Variants in NRG3 observed in about 807,000 individuals in gnomAD.
NRG3 encodes pro-neuregulin-3, membrane-bound isoform.
Under a neutral mutation model 66.9 loss-of-function variants are expected in NRG3, and 31 were observed. The ratio of observed to expected loss-of-function variants is 0.46; its 90% confidence interval spans 0.35 to 0.63. The LOEUF is 0.63. Ranked by LOEUF, NRG3 falls within the 20% of genes least tolerant of loss-of-function variation. The probability of loss-of-function intolerance (pLI) is 0.00; values close to 1 mark genes in which losing one functional copy is unlikely to be tolerated. For missense variants in NRG3, 910 were observed against 878.9 expected, an observed-to-expected ratio of 1.04 and a Z score of -0.45; for synonymous variants, 393 against 359.4, an observed-to-expected ratio of 1.09 and a Z score of -1.06.
intron 1 of NRG3, among the ~76,000 whole-genome samples, chr10:82,063,504 G>A (rs1238496774): frequency 2.3e-5 from 2 of 85,594 alleles, no homozygotes; most frequent in Admixed American, 2.0e-4. Flanking sequence ...TTAGAGGCAG[G>A]AAAAGATCTT....
chr10:82,788,420 A>G (rs934475695), intron 3 of NRG3, among the ~76,000 whole-genome samples: 5 of 152,044 alleles, frequency 3.3e-5, no homozygotes, highest in African/African-American at 1.2e-4. Context: ...AAATACAAAA[A>G]TTACCTGGGC....
At chr10:82,434,835 G>C (rs2090033579) in intron 2 of NRG3, among the ~76,000 whole-genome samples, 1 of 152,074 alleles carries the variant, frequency 6.6e-6, no homozygotes, top group African/African-American at 2.4e-5. Flanking sequence ...TGTTCTGCTG[G>C]TTTCCGTTTC....
At chr10:81,921,421 C>T (rs1018483) in intron 1 of NRG3, among the ~76,000 whole-genome samples, 1 of 151,824 alleles carries the variant, frequency 6.6e-6, no homozygotes, top group Non-Finnish European at 1.5e-5. Flanking sequence ...TTTTGCTTCA[C>T]ATAGTCTGTC....
rs191350164 is a variant in NRG3, at chr10:82,823,839, C to T, written c.1028-41572C>T. On this transcript the variant is annotated intron_variant, in intron 3 of 8. Coordinates refer to ENST00000372141, the MANE Select transcript of NRG3 (RefSeq NM_001010848.4). ...AGACCCAGTTCTTTTTTTTAATTGACGTATAATTCACGCATTATAAAATAC... is the reference window on the plus strand; with the variant it reads ...AGACCCAGTTCTTTTTTTTAATTGATGTATAATTCACGCATTATAAAATAC... Among the ~76,000 whole-genome samples, 8 of 152,032 alleles carry T rather than the reference C, an allele frequency of 5.3e-5. No homozygotes were observed. In the South Asian group the frequency reaches 8.3e-4, roughly 16 times the overall value.
Position 81,936,338 on chromosome 10 carries a change from A to G in NRG3, c.823+60175A>G, listed in dbSNP as rs75876598. Among the ~76,000 whole-genome samples, 142 of 152,294 alleles carry G rather than the reference A, an allele frequency of 9.3e-4. 1 individual carries two copies. The highest frequency in any genetic ancestry group is 3.5e-3 in the Admixed American group (53 of 15,286). ...TGAACCAAACTGTGATTGGAGTTCT[A>G]TTCCCAACAGTTGCATAAGGGAAAC... On this transcript the variant is annotated intron_variant, in intron 1 of 8. Transcript: ENST00000372141.
chr10:82,254,385 A>G (rs886647862), intron 1 of NRG3, among the ~76,000 whole-genome samples: 3 of 152,192 alleles, frequency 2.0e-5, no homozygotes, highest in East Asian at 1.9e-4. Context: ...CCTGAGAACT[A>G]TGATCAGGTT....
intron 3 of NRG3, among the ~76,000 whole-genome samples, chr10:82,749,099 G>A (rs1021685840): frequency 6.6e-6 from 1 of 152,096 alleles, no homozygotes; most frequent in Non-Finnish European, 1.5e-5. Flanking sequence ...AAACTTGAGG[G>A]CTTGGAGAGA....
At chr10:82,531,261 T>A (rs1288947553) in intron 2 of NRG3, among the ~76,000 whole-genome samples, 2 of 151,770 alleles carry the variant, frequency 1.3e-5, no homozygotes, top group African/African-American at 4.8e-5. Flanking sequence ...AATAATGCCA[T>A]CTTTTCAAGA....
At chr10:82,100,005 T>TA (rs1420987873) in intron 1 of NRG3, among the ~76,000 whole-genome samples, 3 of 135,222 alleles carry the variant, frequency 2.2e-5, no homozygotes, top group African/African-American at 5.4e-5. Context: ...ATATATAATT[T>TA]AAAAAAACAA....
At chr10:82,192,780 T>C (rs2074228457) in intron 1 of NRG3, among the ~76,000 whole-genome samples, 1 of 152,228 alleles carries the variant, frequency 6.6e-6, no homozygotes, top group Non-Finnish European at 1.5e-5. Context: ...AGAGACTACA[T>C]AAAGAGCGAA....
chr10:82,161,883 C>T (rs569705887), intron 1 of NRG3, among the ~76,000 whole-genome samples: 3 of 152,120 alleles, frequency 2.0e-5, no homozygotes, highest in African/African-American at 7.2e-5. Context: ...AGCAGATTCA[C>T]TCCATTGCTT....
At position 81,991,215 on chromosome 10, in the gene NRG3, A is replaced by G. The variant is rs187154460; in HGVS notation, c.823+115052A>G. On this transcript the variant is annotated intron_variant, in intron 1 of 8. Transcript: ENST00000372141. ...AATATGTACATTGTTTCCAAGAATC[A>G]TATTTTGCTTTATCAAATGGATGCA... Among the ~76,000 whole-genome samples, 119 of 152,296 alleles carry G rather than the reference A, an allele frequency of 7.8e-4. 1 individual carries two copies. The highest frequency in any genetic ancestry group is 2.3e-3 in the African/African-American group (94 of 41,582).
chr10:82,381,056 CAA>C (rs2085583704), intron 2 of NRG3, among the ~76,000 whole-genome samples: 1 of 151,828 alleles, frequency 6.6e-6, no homozygotes, highest in South Asian at 2.1e-4. Flanking sequence ...TTCTGTTAGA[CAA>C]AGTTAAAAGG....
At chr10:82,007,944 C>T (rs2061436261) in intron 1 of NRG3, among the ~76,000 whole-genome samples, 1 of 108,432 alleles carries the variant, frequency 9.2e-6, no homozygotes, top group Admixed American at 9.1e-5. Context: ...TTTTCTCTAC[C>T]TCTCTCAGAA....
At chr10:82,106,008 G>A (rs7099976) in intron 1 of NRG3, among the ~76,000 whole-genome samples, 38,420 of 152,046 alleles carry the variant, frequency 0.25, 5,217 homozygotes, top group African/African-American at 0.35. Flanking sequence ...CTGTTCTTCT[G>A]GGGTCTAGTT....
At position 82,382,557 on chromosome 10, in the gene NRG3, A is replaced by G. The variant is rs1226975822; in HGVS notation, c.953+23689A>G. Reference sequence around the variant, plus strand: ...ATTGTCTGCCTTTTGCAGGCCTGTAATCCTGCAATATAAAAATAGTGCATC... The same window carrying G: ...ATTGTCTGCCTTTTGCAGGCCTGTAGTCCTGCAATATAAAAATAGTGCATC... On this transcript the variant is annotated intron_variant, in intron 2 of 8. Transcript: ENST00000372141. Among the ~76,000 whole-genome samples the G allele has an allele frequency of 2.0e-5, 3 of 152,006 alleles. No individual in the cohort carries two copies. In the East Asian group the frequency reaches 5.8e-4, roughly 29 times the overall value.
At chr10:82,953,390 C>A (rs1849716738) in intron 5 of NRG3, among the ~76,000 whole-genome samples, 1 of 152,096 alleles carries the variant, frequency 6.6e-6, no homozygotes, top group Middle Eastern at 3.4e-3. Flanking sequence ...AACCTCTATA[C>A]CATACTGGTT....
intron 1 of NRG3, among the ~76,000 whole-genome samples, chr10:82,260,340 A>T (rs538375278): frequency 6.6e-6 from 1 of 152,334 alleles, no homozygotes; most frequent in South Asian, 2.1e-4. Context: ...GTGCAGCATT[A>T]TAGGAGTAGA....
At chr10:82,164,510 C>A (rs143589971) in intron 1 of NRG3, among the ~76,000 whole-genome samples, 1 of 152,064 alleles carries the variant, frequency 6.6e-6, no homozygotes, top group Non-Finnish European at 1.5e-5. Context: ...CACTCTCACT[C>A]GAACCACTGC....
Sources: allele counts gnomAD v4.1 joint callset (sites outside exome capture counted in the v4.1 genomes callset), GRCh38; gene constraint gnomAD v4.1.1; transcripts MANE v1.5; gene names NCBI Gene and HGNC (gene_info 2026-07-23, HGNC 2026-07-21).